The following AUTS2 variants were observed in gnomAD, a reference collection of about 807,000 sequenced individuals.
The protein encoded by AUTS2 is activator of transcription and developmental regulator AUTS2.
Under a neutral mutation model 112.4 loss-of-function variants are expected in AUTS2, and 17 were observed. The observed-to-expected ratio is 0.15, with a 90% CI of 0.10 to 0.23. The LOEUF (loss-of-function observed/expected upper bound fraction) is 0.23, where lower values mean the gene tolerates loss of function less well. Ranked by LOEUF, AUTS2 falls within the 10% of genes least tolerant of loss-of-function variation. The pLI, the probability that AUTS2 is intolerant of heterozygous loss-of-function variation, is 1.00. For missense variants in AUTS2, 1,510 were observed against 1,701.6 expected (o/e 0.89, Z 1.98); for synonymous variants, 751 against 702.7 (o/e 1.07, Z -1.09).
At chr7:70,774,716 A>ATT (rs1241499901) in intron 12 of AUTS2, 12 of 152,562 alleles carry the variant, frequency 7.9e-5, no homozygotes, top group Admixed American at 7.8e-4. Context: ...CCTCATTGTT[A>ATT]TTTGTAGTCA....
Position 70,791,116 on chromosome 7 carries a change from C to A in AUTS2, c.*120C>A, listed in dbSNP as rs1241845723. 1.9e-6 allele frequency: 2 copies of A among 1,061,786 alleles called. No homozygotes were observed. Among genetic ancestry groups the A allele is most frequent in the African/African-American group, 1.6e-5 (1 of 61,204 alleles). 65.8% of individuals were successfully genotyped at this position (1,061,786 alleles called of 1,614,324 possible). On this transcript the variant is annotated 3_prime_UTR_variant, in exon 19 of 19. Transcript: ENST00000342771. Reference sequence around the variant, plus strand: ...GGGGGGGAAAGCCCCACCCCTTCCCCTTGTAAAAAATGTATAGACTCAGTG... The same window carrying A: ...GGGGGGGAAAGCCCCACCCCTTCCCATTGTAAAAAATGTATAGACTCAGTG...
At chr7:69,632,079 GC>G (rs1280411876) in intron 1 of AUTS2, among the ~76,000 whole-genome samples, 3 of 152,146 alleles carry the variant, frequency 2.0e-5, no homozygotes, top group Admixed American at 1.3e-4. Flanking sequence ...AAATTATTTG[GC>G]CATTTACTTT....
chr7:70,543,082 A>G (rs760115600), intron 5 of AUTS2, among the ~76,000 whole-genome samples: 11 of 152,204 alleles, frequency 7.2e-5, no homozygotes, highest in African/African-American at 1.7e-4. Context: ...GCTTAAACCA[A>G]CTGTCTTGTG....
intron 2 of AUTS2, among the ~76,000 whole-genome samples, chr7:69,913,882 G>A (rs1027470219): frequency 6.6e-5 from 10 of 151,928 alleles, no homozygotes; most frequent in South Asian, 2.1e-4. Context: ...AAGTTCCTTC[G>A]TACCCTGGAC....
chr7:70,666,830 C>T (rs1326255318), intron 5 of AUTS2, among the ~76,000 whole-genome samples: 1 of 151,982 alleles, frequency 6.6e-6, no homozygotes, highest in Non-Finnish European at 1.5e-5. Context: ...TACCCTAGGG[C>T]TGATTGTGTT....
intron 2 of AUTS2, among the ~76,000 whole-genome samples, chr7:70,013,660 T>G (rs1387206350): frequency 6.6e-6 from 1 of 152,212 alleles, no homozygotes; most frequent in Non-Finnish European, 1.5e-5. Flanking sequence ...GACCATCTAG[T>G]ACCCTCTTTA....
intron 5 of AUTS2, among the ~76,000 whole-genome samples, chr7:70,691,874 A>ATTT (rs34314079): frequency 0.14 from 17,787 of 131,688 alleles, 1,484 homozygotes; most frequent in East Asian, 0.26. Flanking sequence ...ATTGATGACA[A>ATTT]TTTTTTTTTT....
chr7:69,940,583 G>C (rs1022376600), intron 2 of AUTS2, among the ~76,000 whole-genome samples: 1 of 152,198 alleles, frequency 6.6e-6, no homozygotes, highest in Non-Finnish European at 1.5e-5. Flanking sequence ...CAGGATGTGG[G>C]TCATGGAAAT....
chr7:70,571,268 C>G (rs1801926883), intron 5 of AUTS2, among the ~76,000 whole-genome samples: 3 of 152,146 alleles, frequency 2.0e-5, no homozygotes, highest in Admixed American at 2.0e-4. Flanking sequence ...ACTTGATTTT[C>G]TTGCCTATAA....
intron 4 of AUTS2, among the ~76,000 whole-genome samples, chr7:70,229,100 T>A (rs1194391871): frequency 6.6e-6 from 1 of 152,082 alleles, no homozygotes; most frequent in Admixed American, 6.6e-5. Context: ...CTTTTTTAAA[T>A]CGTTAGAGAC....
chr7:69,704,645 C>T (rs1797978515), intron 1 of AUTS2, among the ~76,000 whole-genome samples: 1 of 152,116 alleles, frequency 6.6e-6, no homozygotes, highest in Non-Finnish European at 1.5e-5. Context: ...CTGCTATTCT[C>T]AATACAAATA....
intron 2 of AUTS2, among the ~76,000 whole-genome samples, chr7:70,003,758 G>A: frequency 3.3e-5 from 4 of 121,574 alleles, no homozygotes; most frequent in Non-Finnish European, 6.4e-5. Flanking sequence ...TGTTATATAT[G>A]AATATATATA....
intron 2 of AUTS2, among the ~76,000 whole-genome samples, chr7:69,923,837 T>C (rs562990025): frequency 6.6e-6 from 1 of 151,778 alleles, no homozygotes; most frequent in South Asian, 2.1e-4. Context: ...GTTCTAGTAG[T>C]TTTTTTTGTA....
intron 5 of AUTS2, among the ~76,000 whole-genome samples, chr7:70,563,589 G>A (rs1227276869): frequency 6.6e-6 from 1 of 152,192 alleles, no homozygotes; most frequent in Admixed American, 6.5e-5. Context: ...TGAGTGGGTA[G>A]AGAATGAGGA....
At chr7:70,212,328 C>G (rs1810949523) in intron 4 of AUTS2, among the ~76,000 whole-genome samples, 1 of 152,204 alleles carries the variant, frequency 6.6e-6, no homozygotes, top group Non-Finnish European at 1.5e-5. Context: ...GTCTGGCTGT[C>G]TAAACTCACG....
At chr7:70,154,333 CT>C (rs911735722) in intron 4 of AUTS2, among the ~76,000 whole-genome samples, 2 of 152,028 alleles carry the variant, frequency 1.3e-5, no homozygotes, top group Non-Finnish European at 2.9e-5. Context: ...TAATTTTTTC[CT>C]TTGACTTGTG....
chr7:70,601,632 C>T (rs1056593838), intron 5 of AUTS2, among the ~76,000 whole-genome samples: 2 of 152,048 alleles, frequency 1.3e-5, no homozygotes, highest in Non-Finnish European at 1.5e-5. Context: ...AGGGATGTGG[C>T]GGCTGCAGAC....
intron 5 of AUTS2, among the ~76,000 whole-genome samples, chr7:70,683,666 A>G (rs983861349): frequency 1.3e-5 from 2 of 152,266 alleles, no homozygotes; most frequent in African/African-American, 4.8e-5. Flanking sequence ...TTCATTTGCA[A>G]TACAGATCTG....
At chr7:69,900,921 A>G (rs1316442401) in intron 2 of AUTS2, among the ~76,000 whole-genome samples, 3 of 152,124 alleles carry the variant, frequency 2.0e-5, no homozygotes, top group Non-Finnish European at 4.4e-5. Flanking sequence ...TTTTTATAGT[A>G]TAACCTATAA....
Sources: gnomAD v4.1 joint callset for allele counts (sites outside exome capture counted in the v4.1 genomes callset) on GRCh38, gnomAD v4.1.1 for gene constraint, MANE v1.5 for transcripts, NCBI Gene and HGNC (gene_info 2026-07-23, HGNC 2026-07-21) for gene names.